The following C2orf92 variants were observed in gnomAD, a reference collection of about 807,000 sequenced individuals.
The protein encoded by C2orf92 is chromosome 2 open reading frame 92.
intron 1 of C2orf92, among the ~76,000 whole-genome samples, chr2:97,672,047 T>G (rs920846461): frequency 6.6e-5 from 10 of 152,188 alleles, no homozygotes; most frequent in Non-Finnish European, 1.2e-4. Context: ...CAGGGAAGTC[T>G]TTAGCAGAGA....
At chr2:97,686,329 G>C (rs141096010) in intron 3 of C2orf92, among the ~76,000 whole-genome samples, 2 of 152,052 alleles carry the variant, frequency 1.3e-5, no homozygotes, top group Non-Finnish European at 2.9e-5. Flanking sequence ...CTAACATGAC[G>C]ACCACATTGG....
At chr2:97,684,662 G>C (rs933470828) in intron 3 of C2orf92, among the ~76,000 whole-genome samples, 7 of 152,120 alleles carry the variant, frequency 4.6e-5, no homozygotes, top group Admixed American at 2.0e-4. Flanking sequence ...TATATCAAAG[G>C]CATTTCTCCC....
At chr2:97,699,794 A>T (rs1347081909) in intron 6 of C2orf92, among the ~76,000 whole-genome samples, 1 of 152,052 alleles carries the variant, frequency 6.6e-6, no homozygotes. Context: ...CCACACTGCC[A>T]CTCCCTGTCA....
Position 97,673,563 on chromosome 2 carries a change from T to C in C2orf92, c.47-893T>C, listed in dbSNP as rs1401900951. ...AGTGACCTTGGGTCTCAATAAATAC[T>C]GTGGTCAACTGAATCCAGAACCCAC... is the stretch of plus-strand genomic sequence containing the variant. On this transcript the variant is annotated intron_variant, in intron 1 of 7. Coordinates refer to ENST00000627399, the MANE Select transcript of C2orf92 (RefSeq NM_001351368.2). 3.3e-5 allele frequency among the ~76,000 whole-genome samples: 5 copies of C among 152,156 alleles called. No homozygotes were observed. The East Asian group carries it at 7.7e-4, about 23-fold the overall frequency.
chr2:97,671,780 C>T (rs922510999), intron 1 of C2orf92: 41 of 313,188 alleles, frequency 1.3e-4, no homozygotes, highest in Middle Eastern at 8.4e-4. Context: ...ACACCTGCCT[C>T]GCCAGTTTCT....
intron 5 of C2orf92, among the ~76,000 whole-genome samples, chr2:97,693,932 T>A (rs897649564): frequency 6.6e-6 from 1 of 152,264 alleles, no homozygotes; most frequent in Non-Finnish European, 1.5e-5. Flanking sequence ...GTTTACCATC[T>A]TAACCATTTT....
At chr2:97,690,769 CTTGTTTTTTTTTTT>C (rs927976401) in intron 5 of C2orf92, among the ~76,000 whole-genome samples, 4 of 145,200 alleles carry the variant, frequency 2.8e-5, no homozygotes, top group African/African-American at 7.7e-5. Context: ...CAAGAGAGTA[CTTGTTTTTTTTTTT>C]TTGTTTTTTT....
chr2:97,664,131 G>A (rs944763241), upstream of C2orf92: 16 of 255,216 alleles, frequency 6.3e-5, no homozygotes, highest in Middle Eastern at 1.2e-3. Flanking sequence ...AGGGGGCGGG[G>A]CCTCCGGAGG....
chr2:97,683,789 C>T (rs1322627937), intron 3 of C2orf92, among the ~76,000 whole-genome samples: 1 of 152,108 alleles, frequency 6.6e-6, no homozygotes, highest in Non-Finnish European at 1.5e-5. Context: ...TAGTATAAGG[C>T]TAATCACATA....
intron 3 of C2orf92, among the ~76,000 whole-genome samples, chr2:97,678,385 G>A (rs541626588): frequency 8.8e-4 from 134 of 152,018 alleles, no homozygotes; most frequent in Non-Finnish European, 1.6e-3. Context: ...AGAGAGATAT[G>A]AAGACAATGT....
chr2:97,700,342 A>G (rs1326949999), intron 6 of C2orf92, among the ~76,000 whole-genome samples: 1 of 152,160 alleles, frequency 6.6e-6, no homozygotes, highest in Non-Finnish European at 1.5e-5. Flanking sequence ...TATGCAGTAC[A>G]ACTTTCTGAG....
chr2:97,685,771 C>T (rs895707102), intron 3 of C2orf92, among the ~76,000 whole-genome samples: 3 of 151,856 alleles, frequency 2.0e-5, no homozygotes, highest in African/African-American at 4.8e-5. Flanking sequence ...CCATGTGGGC[C>T]GGGCTGGTCA....
At chr2:97,688,370 A>AG (rs1676031457) in intron 3 of C2orf92, among the ~76,000 whole-genome samples, 1 of 152,134 alleles carries the variant, frequency 6.6e-6, no homozygotes, top group Non-Finnish European at 1.5e-5. Context: ...GAAAGCCTAG[A>AG]GGGGAAGGTA....
At chr2:97,671,801 C>T in intron 1 of C2orf92, 3 of 287,168 alleles carry the variant, frequency 1.0e-5, no homozygotes, top group Non-Finnish European at 1.9e-5. Flanking sequence ...GCTCTGAGGC[C>T]CCAAAGCCGA....
chr2:97,678,209 A>T (rs1675645629), intron 3 of C2orf92, among the ~76,000 whole-genome samples: 1 of 150,060 alleles, frequency 6.7e-6, no homozygotes, highest in Middle Eastern at 3.4e-3. Flanking sequence ...CAAAAAAATA[A>T]AAAAAAAAAG....
chr2:97,676,771 T>TA (rs202207146), intron 3 of C2orf92, among the ~76,000 whole-genome samples: 3 of 150,692 alleles, frequency 2.0e-5, no homozygotes, highest in South Asian at 2.1e-4. Flanking sequence ...TACTGTCTAT[T>TA]AAAAAAAAAG....
chr2:97,686,103 G>A (rs769941548), intron 3 of C2orf92, among the ~76,000 whole-genome samples: 11 of 152,224 alleles, frequency 7.2e-5, no homozygotes, highest in Non-Finnish European at 1.6e-4. Context: ...GAACCTTCTT[G>A]CTGTGTCATC....
rs181551471 is a variant in C2orf92 at position 97,669,927 on chromosome 2, A to G, written c.46+93A>G. 5.6e-4 allele frequency: 223 copies of G among 398,158 alleles called. 1 individual carries two copies. Among genetic ancestry groups the G allele is most frequent in the African/African-American group, 4.1e-3 (198 of 48,754 alleles). 24.7% of individuals were successfully genotyped at this position (398,158 alleles called of 1,614,324 possible). On this transcript the variant is annotated intron_variant, in intron 1 of 7. Coordinates refer to ENST00000627399, the MANE Select transcript of C2orf92 (RefSeq NM_001351368.2). ...CGTTCCCTCCCACAGTGTGGGGAAC[A>G]CAGATGCTTTACCTACTCTACCTTC...
Position 97,674,504 on chromosome 2 carries a change from T to A in C2orf92, c.95T>A (p.Phe32Tyr), listed in dbSNP as rs1010132808. 2.5e-6 allele frequency: 1 copy of A among 398,596 alleles called. No individual in the cohort carries two copies. The allele number at this position is 398,596 out of a possible 1,614,324, so 24.7% of individuals were successfully genotyped here. The change falls in exon 2 of 8, where the codon TTT (phenylalanine) becomes TAT (tyrosine). Residue 32 changes from phenylalanine (F) to tyrosine (Y), a missense_variant. Physicochemically the swap from Phe to Tyr is conservative, Grantham distance 22. Transcript: ENST00000627399. ...TCCAAGGTTCCGTATGACCCATCAT[T>A]TGATGAAACAAGAACAGCAGTCAGA... is the stretch of plus-strand genomic sequence containing the variant. Reference protein sequence around the residue: ...VFSKVPYDPSFDETRTAVRSI... With the variant: ...VFSKVPYDPSYDETRTAVRSI...
Sources: allele counts gnomAD v4.1 joint callset (sites outside exome capture counted in the v4.1 genomes callset), GRCh38; gene constraint gnomAD v4.1.1; transcripts MANE v1.5; gene names NCBI Gene and HGNC (gene_info 2026-07-23, HGNC 2026-07-21).